Variants in PLCB1 observed in about 807,000 individuals in gnomAD.
PLCB1 encodes the protein 1-phosphatidylinositol 4,5-bisphosphate phosphodiesterase beta-1.
PLCB1 carries 46 observed loss-of-function variants against 161.8 expected under a neutral mutation model. That is an observed-to-expected ratio of 0.28 (90% CI 0.22 to 0.36). The LOEUF (loss-of-function observed/expected upper bound fraction) is 0.36, where lower values mean the gene tolerates loss of function less well. Ranked by LOEUF, PLCB1 falls within the 10% of genes least tolerant of loss-of-function variation. The pLI is 1.00. For missense variants in PLCB1, 1,016 were observed against 1,472.5 expected (o/e 0.69, Z 5.07); for synonymous variants, 517 against 503.7 (o/e 1.03, Z -0.35).
chr20:8,375,577 C>T (rs1431911713), intron 3 of PLCB1, among the ~76,000 whole-genome samples: 6 of 152,040 alleles, frequency 3.9e-5, no homozygotes, highest in South Asian at 2.1e-4. Flanking sequence ...CAATACATAT[C>T]GGAGAAGTTT....
chr20:8,661,464 C>G (rs571693201), intron 9 of PLCB1, among the ~76,000 whole-genome samples: 2 of 152,126 alleles, frequency 1.3e-5, no homozygotes, highest in South Asian at 4.1e-4. Context: ...CTCAGTCACC[C>G]CAGGGGACTC....
chr20:8,198,224 G>A (rs2052050054), intron 2 of PLCB1, among the ~76,000 whole-genome samples: 1 of 152,084 alleles, frequency 6.6e-6, no homozygotes, highest in Non-Finnish European at 1.5e-5. Context: ...GATGGGGATG[G>A]CATTGAATCT....
chr20:8,743,690 A>G (rs1190563020), intron 23 of PLCB1, among the ~76,000 whole-genome samples: 1 of 152,186 alleles, frequency 6.6e-6, no homozygotes, highest in Non-Finnish European at 1.5e-5. Context: ...TTGCTGTTTT[A>G]TAAATAAATA....
chr20:8,694,397 G>A (rs1368344345), intron 10 of PLCB1, among the ~76,000 whole-genome samples: 1 of 152,066 alleles, frequency 6.6e-6, no homozygotes, highest in African/African-American at 2.4e-5. Flanking sequence ...GGTCTTAGGT[G>A]GACAATAAAC....
intron 3 of PLCB1, among the ~76,000 whole-genome samples, chr20:8,413,738 A>G (rs1600384515): frequency 1.3e-5 from 2 of 152,198 alleles, no homozygotes; most frequent in South Asian, 4.1e-4. Context: ...ATTTTTTAAC[A>G]TATTCTGAAT....
At chr20:8,705,951 A>G (rs73895111) in intron 11 of PLCB1, among the ~76,000 whole-genome samples, 9,205 of 152,260 alleles carry the variant, frequency 0.06, 533 homozygotes, top group African/African-American at 0.15. Context: ...GACTCTGGCT[A>G]TGGTGTGGAA....
chr20:8,674,282 A>G (rs1990022725), intron 9 of PLCB1, among the ~76,000 whole-genome samples: 1 of 152,192 alleles, frequency 6.6e-6, no homozygotes, highest in Non-Finnish European at 1.5e-5. Context: ...TGCTATTTGT[A>G]TGGGCTACTC....
chr20:8,706,596 C>A (rs1978692372), intron 11 of PLCB1, among the ~76,000 whole-genome samples: 2 of 152,132 alleles, frequency 1.3e-5, no homozygotes, highest in Non-Finnish European at 2.9e-5. Context: ...TTTTTTTCCA[C>A]ACTTAGCATC....
At chr20:8,440,247 A>G (rs1158475216) in intron 3 of PLCB1, among the ~76,000 whole-genome samples, 1 of 152,190 alleles carries the variant, frequency 6.6e-6, no homozygotes, top group African/African-American at 2.4e-5. Flanking sequence ...CTGGAAAATC[A>G]TTTCAGTATT....
At chr20:8,704,080 G>A (rs1021024573) in intron 11 of PLCB1, among the ~76,000 whole-genome samples, 3 of 152,162 alleles carry the variant, frequency 2.0e-5, no homozygotes, top group Admixed American at 6.5e-5. Flanking sequence ...ATGGCCAGGC[G>A]CAGTGGCTCA....
chr20:8,670,597 A>C (rs1989918301), intron 9 of PLCB1, among the ~76,000 whole-genome samples: 1 of 151,874 alleles, frequency 6.6e-6, no homozygotes, highest in African/African-American at 2.4e-5. Flanking sequence ...ACACTTTTCA[A>C]CTTAAGATAA....
At chr20:8,747,872 A>C (rs542592922) in intron 23 of PLCB1, among the ~76,000 whole-genome samples, 1 of 152,320 alleles carries the variant, frequency 6.6e-6, no homozygotes, top group Non-Finnish European at 1.5e-5. Flanking sequence ...CACCAATAAA[A>C]TAATGTGACA....
intron 3 of PLCB1, among the ~76,000 whole-genome samples, chr20:8,624,546 C>T (rs555584854): frequency 6.6e-6 from 1 of 152,192 alleles, no homozygotes; most frequent in Admixed American, 6.5e-5. Context: ...CATCCTTTAG[C>T]CTGTGTTTAT....
intron 10 of PLCB1, among the ~76,000 whole-genome samples, chr20:8,686,106 A>G (rs1325692793): frequency 1.3e-5 from 2 of 152,236 alleles, no homozygotes; most frequent in African/African-American, 4.8e-5. Context: ...AACAATTGGA[A>G]TATAATACAC....
At chr20:8,258,292 AGAAAGT>A (rs1346978555) in intron 2 of PLCB1, among the ~76,000 whole-genome samples, 1 of 152,180 alleles carries the variant, frequency 6.6e-6, no homozygotes, top group Non-Finnish European at 1.5e-5. Context: ...CACAAAGAAA[AGAAAGT>A]GATTATAGTT....
At chr20:8,573,015 G>T (rs2123055690) in intron 3 of PLCB1, among the ~76,000 whole-genome samples, 1 of 152,240 alleles carries the variant, frequency 6.6e-6, no homozygotes, top group Non-Finnish European at 1.5e-5. Context: ...TCTCAGAAAA[G>T]AATCCTAGAC....
intron 3 of PLCB1, among the ~76,000 whole-genome samples, chr20:8,537,414 T>C (rs775626077): frequency 6.6e-6 from 1 of 152,140 alleles, no homozygotes; most frequent in Non-Finnish European, 1.5e-5. Flanking sequence ...ACTCCTGAGA[T>C]CTCATGAGGA....
chr20:8,395,160 T>C (rs1987731489), intron 3 of PLCB1, among the ~76,000 whole-genome samples: 1 of 152,098 alleles, frequency 6.6e-6, no homozygotes, highest in African/African-American at 2.4e-5. Context: ...GTTTCCTTGG[T>C]TGAGGTACAT....
At chr20:8,293,023 G>C (rs1983458971) in intron 2 of PLCB1, among the ~76,000 whole-genome samples, 1 of 151,998 alleles carries the variant, frequency 6.6e-6, no homozygotes, top group African/African-American at 2.4e-5. Flanking sequence ...TTGACACTGT[G>C]GTTGCAAAAA....
Sources: gnomAD v4.1 joint callset for allele counts (sites outside exome capture counted in the v4.1 genomes callset) on GRCh38, gnomAD v4.1.1 for gene constraint, MANE v1.5 for transcripts, NCBI Gene and HGNC (gene_info 2026-07-23, HGNC 2026-07-21) for gene names.